Variants in C6orf163 observed in about 807,000 individuals in gnomAD.
C6orf163 encodes the protein chromosome 6 open reading frame 163.
C6orf163 carries 22 observed loss-of-function variants against 28.4 expected under a neutral mutation model. That is an observed-to-expected ratio of 0.78 (90% CI 0.55 to 1.11). C6orf163 has a LOEUF of 1.11. C6orf163 is among the 50% of genes least tolerant of loss of function. The pLI is 0.00. For missense variants in C6orf163, 342 were observed against 389.1 expected, an observed-to-expected ratio of 0.88 and a Z score of 1.02; for synonymous variants, 110 against 123.6, an observed-to-expected ratio of 0.89 and a Z score of 0.73.
chr6:87,347,339 G>A, intron 1 of C6orf163: 3 of 929,684 alleles, frequency 3.2e-6, no homozygotes, highest in South Asian at 4.9e-5. Flanking sequence ...AGCTTTGCAG[G>A]GATCCTGTTG....
In C6orf163 at chr6:87,345,075, A is replaced by C; in HGVS notation, c.-25A>C. ...TTCTAAGATTATTTTAACTGTAAGTAGGAGAAGACATCTGAAATTTAACTA... is the reference window on the plus strand; with the variant it reads ...TTCTAAGATTATTTTAACTGTAAGTCGGAGAAGACATCTGAAATTTAACTA... On this transcript the variant is annotated 5_prime_UTR_variant, in exon 1 of 5. Transcript: ENST00000388923. 6.7e-7 allele frequency: 1 copy of C among 1,498,246 alleles called. No individual in the cohort carries two copies. The highest frequency in any genetic ancestry group is 8.9e-7 in the Non-Finnish European group (1 of 1,127,256). The allele number at this position is 1,498,246 out of a possible 1,614,324, so 92.8% of individuals were successfully genotyped here.
chr6:87,352,098 G>GA (rs1179604488), intron 3 of C6orf163, among the ~76,000 whole-genome samples: 1 of 121,364 alleles, frequency 8.2e-6, no homozygotes, highest in Non-Finnish European at 1.9e-5. Flanking sequence ...AAGGGGGATC[G>GA]ACCTTCCTGA....
chr6:87,363,246 T>G (rs1163581131), intron 4 of C6orf163, among the ~76,000 whole-genome samples: 1 of 152,168 alleles, frequency 6.6e-6, no homozygotes, highest in East Asian at 1.9e-4. Context: ...TTAGCAGTGC[T>G]TCTGAATATG....
chr6:87,353,756 G>T (rs918896122), intron 3 of C6orf163, among the ~76,000 whole-genome samples: 3 of 152,118 alleles, frequency 2.0e-5, no homozygotes, highest in African/African-American at 7.2e-5. Flanking sequence ...GAATAACTCA[G>T]GCTTATTACA....
chr6:87,365,047 A>C lies in C6orf163; in HGVS notation c.641A>C (p.Glu214Ala), dbSNP rs1465855877. The part of the protein sequence containing the change: ...TSVARLMREK[E>A]HEMSILYGIA... ...GTGGCCCGACTGATGAGGGAAAAAG[A>C]ACATGAAATGAGCATCCTCTATGGC... Residue 214 changes from glutamate (E) to alanine (A), a missense_variant, in exon 5 of 5, where the codon GAA (glutamate) becomes GCA (alanine). Coordinates refer to ENST00000388923, the MANE Select transcript of C6orf163 (RefSeq NM_001010868.3). The C allele has an allele frequency of 1.0e-5, 16 of 1,551,716 alleles. No homozygotes were observed. Among genetic ancestry groups the C allele is most frequent in the Non-Finnish European group, 1.4e-5 (16 of 1,147,020 alleles).
Position 87,365,100 on chromosome 6 carries a change from G to T in C6orf163, c.694G>T (p.Val232Leu), listed in dbSNP as rs1239431276. Residue 232 changes from valine (V) to leucine (L), a missense_variant, in exon 5 of 5, where the codon GTA becomes TTA. Val to Leu is a conservative substitution (Grantham distance 32). Coordinates refer to ENST00000388923, the MANE Select transcript of C6orf163 (RefSeq NM_001010868.3). ...AGCTCAGAGGCAGAGGCAAGAAGAG[G>T]TACAGGAAGTGCTTCAAGAAGCAGA... ...GIAQRQRQEEVQEVLQEAEKT... is the reference protein window; with the variant it reads ...GIAQRQRQEELQEVLQEAEKT... The T allele has an allele frequency of 1.3e-6, 2 of 1,551,902 alleles. No homozygotes were observed. Among genetic ancestry groups the T allele is most frequent in the African/African-American group, 1.4e-5 (1 of 73,028 alleles).
At position 87,365,020 on chromosome 6, in the gene C6orf163, G is replaced by C; in HGVS notation, c.614G>C (p.Ser205Thr). Residue 205 changes from serine (S) to threonine (T), a missense_variant, in exon 5 of 5, where the codon AGT becomes ACT. Coordinates refer to ENST00000388923, the MANE Select transcript of C6orf163 (RefSeq NM_001010868.3). ...ACAGTTATTAAGGATGAGAAGACCA[G>C]TGTGGCCCGACTGATGAGGGAAAAA... ...GVTVIKDEKT[S>T]VARLMREKEH... 1 of 1,551,702 alleles carries C rather than the reference G, an allele frequency of 6.4e-7. No individual in the cohort carries two copies. The highest frequency in any genetic ancestry group is 2.4e-5 in the East Asian group (1 of 40,916).
intron 3 of C6orf163, 124 bp from the exon 4 acceptor site, chr6:87,356,177 A>G: frequency 1.3e-6 from 1 of 789,630 alleles, no homozygotes; most frequent in Non-Finnish European, 2.0e-6. Context: ...CTTCTTTTAA[A>G]TCATCAGTGT....
At position 87,356,458 on chromosome 6, in the gene C6orf163, C is replaced by G; in HGVS notation, c.509C>G (p.Ala170Gly). ...GTCGAAGCTGTGGAGAAAGCCAGGGCTGAAGAAAGACACATCGCCCAGGAA... is the reference window on the plus strand; with the variant it reads ...GTCGAAGCTGTGGAGAAAGCCAGGGGTGAAGAAAGACACATCGCCCAGGAA... ...EKVEAVEKARAEERHIAQEAI... is the reference protein window; with the variant it reads ...EKVEAVEKARGEERHIAQEAI... Residue 170 changes from alanine to glycine, a missense_variant, in exon 4 of 5, where the codon GCT becomes GGT. Ala to Gly is a moderately conservative substitution (Grantham distance 60, BLOSUM62 0). Coordinates refer to ENST00000388923, the MANE Select transcript of C6orf163 (RefSeq NM_001010868.3). The G allele has an allele frequency of 6.4e-7, 1 of 1,551,696 alleles. No homozygotes were observed. Among genetic ancestry groups the G allele is most frequent in the Non-Finnish European group, 8.7e-7 (1 of 1,146,986 alleles).
At chr6:87,359,259 C>T (rs1368651184) in intron 4 of C6orf163, 31 of 152,206 alleles carry the variant, frequency 2.0e-4, no homozygotes, top group Non-Finnish European at 2.9e-5. Context: ...GGTAAGAGGT[C>T]CCACTTGTGA....
intron 4 of C6orf163, among the ~76,000 whole-genome samples, chr6:87,364,516 C>T (rs563569553): frequency 6.6e-6 from 1 of 152,112 alleles, no homozygotes; most frequent in South Asian, 2.1e-4. Context: ...TAGAGTATTG[C>T]TCAGATAAAA....
chr6:87,354,556 A>G (rs1777469819), intron 3 of C6orf163, among the ~76,000 whole-genome samples: 1 of 152,344 alleles, frequency 6.6e-6, no homozygotes, highest in South Asian at 2.1e-4. Context: ...TCTTTTGTCA[A>G]AAAAATTTTA....
chr6:87,358,190 A>C (rs1259161674), intron 4 of C6orf163: 1 of 152,168 alleles, frequency 6.6e-6, no homozygotes. Flanking sequence ...TCAAGACTTA[A>C]GGATTCAGAA....
chr6:87,356,252 TTAAACATTAAGTCTGTAATAGC>T, intron 3 of C6orf163, 27 bp from the exon 4 acceptor site: 1 of 1,483,170 alleles, frequency 6.7e-7, no homozygotes, highest in African/African-American at 1.4e-5. Flanking sequence ...ATGTGCAGTT[TTAAACATTAAGTCTGTAATAGC>T]TAAACCTAGT....
chr6:87,347,303 T>A, intron 1 of C6orf163: 2 of 706,682 alleles, frequency 2.8e-6, no homozygotes, highest in Non-Finnish European at 3.5e-6. Flanking sequence ...GTTTGTTCCT[T>A]TTACAGTATG....
At chr6:87,361,320 A>AT (rs1777578032) in intron 4 of C6orf163, among the ~76,000 whole-genome samples, 1 of 152,008 alleles carries the variant, frequency 6.6e-6, no homozygotes, top group African/African-American at 2.4e-5. Flanking sequence ...AGTTGGAAAG[A>AT]TTTTTTAAAG....
chr6:87,350,538 A>G (rs939681775), intron 3 of C6orf163, 37 bp downstream of exon 3: 2 of 1,202,600 alleles, frequency 1.7e-6, no homozygotes, highest in African/African-American at 3.1e-5. Context: ...TTTTAAAAGT[A>G]ATTACATTAG....
intron 4 of C6orf163, among the ~76,000 whole-genome samples, chr6:87,361,448 T>C (rs1365500146): frequency 6.6e-6 from 1 of 152,190 alleles, no homozygotes; most frequent in Non-Finnish European, 1.5e-5. Context: ...TTTGCCTGAC[T>C]CAATTCTGGT....
At chr6:87,345,497 A>G (rs1215471929) in intron 1 of C6orf163, among the ~76,000 whole-genome samples, 1 of 152,212 alleles carries the variant, frequency 6.6e-6, no homozygotes, top group Non-Finnish European at 1.5e-5. Flanking sequence ...ACAGGTTGTT[A>G]TGAGACTTTA....
Sources: allele counts gnomAD v4.1 joint callset (sites outside exome capture counted in the v4.1 genomes callset), GRCh38; gene constraint gnomAD v4.1.1; transcripts MANE v1.5; gene names NCBI Gene and HGNC (gene_info 2026-07-23, HGNC 2026-07-21).